TANGO6: variants seen among roughly 807,000 people sequenced by gnomAD.
TANGO6 encodes transport and golgi organization 6 homolog, also known as transport and Golgi organization protein 6 homolog.
TANGO6 carries 90 observed loss-of-function variants against 114.2 expected under a neutral mutation model. The ratio of observed to expected loss-of-function variants is 0.79; its 90% CI spans 0.66 to 0.94. The LOEUF (loss-of-function observed/expected upper bound fraction) is 0.94. TANGO6 is among the 40% of genes least tolerant of loss of function. TANGO6 has a pLI of 0.00. For missense variants in TANGO6, 1,274 were observed against 1,315.3 expected (o/e 0.97, Z 0.49); for synonymous variants, 477 against 509.8 (o/e 0.94, Z 0.87).
chr16:68,871,306 T>G (rs528791229), intron 4 of TANGO6, among the ~76,000 whole-genome samples: 10 of 152,304 alleles, frequency 6.6e-5, no homozygotes, highest in Admixed American at 2.0e-4. Context: ...ATACCATTTT[T>G]CCCTCTGACT....
intron 17 of TANGO6, among the ~76,000 whole-genome samples, chr16:69,073,611 A>G (rs1172492045): frequency 6.6e-6 from 1 of 152,168 alleles, no homozygotes; most frequent in Non-Finnish European, 1.5e-5. Flanking sequence ...GCTCATTTTC[A>G]TGCGGCCAGC....
intron 16 of TANGO6, among the ~76,000 whole-genome samples, chr16:69,023,243 G>A (rs1028454002): frequency 5.9e-5 from 9 of 152,178 alleles, no homozygotes; most frequent in African/African-American, 2.2e-4. Context: ...ATTGCTTGCG[G>A]CCAGGAGTCT....
At chr16:68,867,492 G>A in intron 4 of TANGO6, 1 of 322,488 alleles carries the variant, frequency 3.1e-6, no homozygotes, top group Non-Finnish European at 5.7e-6. Context: ...ATACTATCTG[G>A]GGAAAACATT....
At chr16:69,081,078 C>T (rs924149471) in intron 17 of TANGO6, among the ~76,000 whole-genome samples, 2 of 152,102 alleles carry the variant, frequency 1.3e-5, no homozygotes, top group Non-Finnish European at 2.9e-5. Context: ...GCGGAGCTTG[C>T]AGTGAGCCAA....
chr16:69,014,933 C>T (rs1959263516), intron 15 of TANGO6, among the ~76,000 whole-genome samples: 1 of 151,840 alleles, frequency 6.6e-6, no homozygotes, highest in South Asian at 2.1e-4. Context: ...GACAAAGAAC[C>T]TCTTATGTAG....
rs551872218 is a variant in TANGO6, at chr16:68,902,180, T to G, written c.1491-148T>G. On this transcript the variant is annotated intron_variant, in intron 8 of 17. Coordinates refer to ENST00000261778, the MANE Select transcript of TANGO6 (RefSeq NM_024562.2). The stretch of plus-strand genomic sequence containing the variant: ...TCTGAAATTCACAAGAAGCATACTT[T>G]CCATTCCTGCATTTCAGTAGTACTA... The G allele has an allele frequency of 6.4e-6, 4 of 620,580 alleles. No individual in the cohort carries two copies. The African/African-American group carries it at 7.6e-5, about 12-fold the overall frequency. 38.4% of individuals were successfully genotyped at this position (620,580 alleles called of 1,614,324 possible). A position where few individuals can be genotyped will look rare whatever the true frequency, so the allele number is the denominator to read the frequency against.
intron 1 of TANGO6, among the ~76,000 whole-genome samples, chr16:68,851,729 C>T (rs1271510634): frequency 6.6e-6 from 1 of 152,102 alleles, no homozygotes; most frequent in Non-Finnish European, 1.5e-5. Context: ...TGTAATTTTG[C>T]TAGATATTGC....
rs1189197817 is a variant in TANGO6 at position 68,845,261 on chromosome 16, C to T, written c.94+1550C>T. 2.0e-5 allele frequency among the ~76,000 whole-genome samples: 3 copies of T among 152,176 alleles called. No homozygotes were observed. The East Asian group carries it at 5.8e-4, about 29-fold the overall frequency. On this transcript the variant is annotated intron_variant, in intron 1 of 17. Transcript: ENST00000261778. ...GGGATTACAGGCCTGAGCCACTACA[C>T]CTGGCCTGCAACTCTCTATTGTATG...
At chr16:68,995,546 G>A (rs1008719625) in intron 15 of TANGO6, among the ~76,000 whole-genome samples, 2 of 152,188 alleles carry the variant, frequency 1.3e-5, no homozygotes, top group Admixed American at 6.5e-5. Context: ...TAGGAAATCG[G>A]AAGTGTTCCG....
chr16:68,880,819 C>G (rs1163731901), intron 7 of TANGO6, among the ~76,000 whole-genome samples, 189 bp downstream of exon 7: 1 of 152,114 alleles, frequency 6.6e-6, no homozygotes, highest in Non-Finnish European at 1.5e-5. Flanking sequence ...GCCGCTGCTC[C>G]CAGCCTTTTA....
At chr16:68,893,049 G>A (rs575964960) in intron 7 of TANGO6, among the ~76,000 whole-genome samples, 2 of 152,296 alleles carry the variant, frequency 1.3e-5, no homozygotes, top group Non-Finnish European at 2.9e-5. Context: ...TAGCATAACA[G>A]AAAGCATATG....
Position 68,940,256 on chromosome 16 carries a change from C to T in TANGO6, c.2701+9961C>T, listed in dbSNP as rs146106944. ...TTTTCTTGACAGGGTCTCACTGTGT[C>T]ACCAAGGCTGGTCTCAAACTCCTGG... On this transcript the variant is annotated intron_variant, in intron 14 of 17. Coordinates refer to ENST00000261778, the MANE Select transcript of TANGO6 (RefSeq NM_024562.2). Among the ~76,000 whole-genome samples, 666 of 151,104 alleles carry T rather than the reference C, an allele frequency of 4.4e-3. 17 individuals carry two copies. The highest frequency in any genetic ancestry group is 0.039 in the Admixed American group (582 of 15,044).
chr16:69,068,644 C>A (rs989929227), intron 17 of TANGO6, among the ~76,000 whole-genome samples: 4 of 152,194 alleles, frequency 2.6e-5, no homozygotes, highest in African/African-American at 9.6e-5. Flanking sequence ...TCACAGAGGT[C>A]ACAGTCTTCA....
chr16:68,853,204 G>C, intron 1 of TANGO6, among the ~76,000 whole-genome samples: 1 of 151,240 alleles, frequency 6.6e-6, no homozygotes, highest in East Asian at 2.0e-4. Context: ...CTTGAACCCA[G>C]GAGACAGGGT....
intron 17 of TANGO6, among the ~76,000 whole-genome samples, chr16:69,074,798 CTGTGTGTGTG>C (rs60702668): frequency 1.7e-4 from 23 of 135,248 alleles, no homozygotes; most frequent in East Asian, 8.9e-4. Context: ...GTTCGAATGC[CTGTGTGTGTG>C]TGTGTGTGTG....
Position 68,919,197 on chromosome 16 carries a change from T to G in TANGO6, c.2105T>G (p.Val702Gly), listed in dbSNP as rs1597019596. 1.2e-6 allele frequency: 2 copies of G among 1,612,834 alleles called. No individual in the cohort carries two copies. Among genetic ancestry groups the G allele is most frequent in the Non-Finnish European group, 1.7e-6 (2 of 1,179,556 alleles). Residue 702 changes from valine to glycine, a missense_variant, in exon 12 of 18, where the codon GTC becomes GGC. Val to Gly is a moderately radical substitution (Grantham distance 109, BLOSUM62 -3). This residue lies in a region of TANGO6 where 908 missense variants were observed against 910.2 expected (regional missense o/e 1.00). Coordinates refer to ENST00000261778, the MANE Select transcript of TANGO6 (RefSeq NM_024562.2). ...TLSMSMGLVAVMLGGAVQLKS... is the reference protein window; with the variant it reads ...TLSMSMGLVAGMLGGAVQLKS... ...AGCATGTCCATGGGGCTGGTGGCTG[T>G]CATGCTAGGAGGAGCTGTTCAGGTG...
At position 68,994,874 on chromosome 16, in the gene TANGO6, G is replaced by A. The variant is rs532856620; in HGVS notation, c.2842+20706G>A. Among the ~76,000 whole-genome samples the A allele has an allele frequency of 1.1e-4, 17 of 152,014 alleles. No homozygotes were observed. In the East Asian group the frequency reaches 3.1e-3, roughly 28 times the overall value. On this transcript the variant is annotated intron_variant, in intron 15 of 17. Coordinates refer to ENST00000261778, the MANE Select transcript of TANGO6 (RefSeq NM_024562.2). ...TGTTGGGATTACAGGAATAAGCCAC[G>A]GCACCCAGCTTATTTTGTATTTTCA...
intron 1 of TANGO6, among the ~76,000 whole-genome samples, chr16:68,858,932 A>G (rs776823614): frequency 3.3e-5 from 5 of 152,226 alleles, no homozygotes; most frequent in Admixed American, 2.0e-4. Context: ...TTAGAAGTAC[A>G]TTGTTTAATT....
At chr16:69,021,187 A>G (rs962162463) in intron 15 of TANGO6, among the ~76,000 whole-genome samples, 4 of 152,080 alleles carry the variant, frequency 2.6e-5, no homozygotes, top group African/African-American at 9.7e-5. Context: ...AAGGCCCTTC[A>G]TGATCTACCC....
Sources: gnomAD v4.1 joint callset for allele counts (sites outside exome capture counted in the v4.1 genomes callset) on GRCh38, gnomAD v4.1.1 for gene constraint, gnomAD v4.1.1 regional missense constraint, MANE v1.5 for transcripts, NCBI Gene and HGNC (gene_info 2026-07-23, HGNC 2026-07-21) for gene names.